AUTS2: variants seen among roughly 807,000 people sequenced by gnomAD.
AUTS2 encodes activator of transcription and developmental regulator AUTS2, also known as autism susceptibility gene 2 protein.
AUTS2 carries 17 observed loss-of-function variants against 112.4 expected under a neutral mutation model. That is an observed-to-expected ratio of 0.15 (90% CI 0.10 to 0.23). The LOEUF (loss-of-function observed/expected upper bound fraction) is 0.23. Ranked by LOEUF, AUTS2 falls within the 10% of genes least tolerant of loss-of-function variation. The pLI is 1.00. For missense variants in AUTS2, 1,510 were observed against 1,701.6 expected (o/e 0.89, Z 1.98); for synonymous variants, 751 against 702.7 (o/e 1.07, Z -1.09).
intron 1 of AUTS2, among the ~76,000 whole-genome samples, chr7:69,614,368 T>TTTTCTTTCTTTTCTTTCTTTCTTTCTTTC (rs1793239736): frequency 2.9e-3 from 56 of 19,490 alleles, no homozygotes; most frequent in African/African-American, 3.4e-3. Context: ...TTCTTTCTTT[T>TTTTCTTTCTTTTCTTTCTTTCTTTCTTTC]TTTAAGAGAT....
At chr7:70,057,065 A>G (rs1415934448) in intron 2 of AUTS2, among the ~76,000 whole-genome samples, 2 of 152,122 alleles carry the variant, frequency 1.3e-5, no homozygotes, top group African/African-American at 4.8e-5. Context: ...TTTTCCAGCC[A>G]GGTCTCAGGG....
chr7:70,626,758 A>G (rs891288720), intron 5 of AUTS2, among the ~76,000 whole-genome samples: 1 of 152,146 alleles, frequency 6.6e-6, no homozygotes, highest in African/African-American at 2.4e-5. Context: ...AAATGACAGC[A>G]TTCAGTATTT....
chr7:70,558,151 A>G (rs1323567971), intron 5 of AUTS2, among the ~76,000 whole-genome samples: 6 of 152,064 alleles, frequency 3.9e-5, no homozygotes, highest in African/African-American at 1.2e-4. Context: ...GACAGCACCT[A>G]CTGTGCACAG....
At chr7:70,003,193 G>T (rs1247213550) in intron 2 of AUTS2, among the ~76,000 whole-genome samples, 3 of 128,112 alleles carry the variant, frequency 2.3e-5, no homozygotes, top group Non-Finnish European at 3.1e-5. Flanking sequence ...TATTATATAT[G>T]AATATATTAT....
At position 69,725,101 on chromosome 7, in the gene AUTS2, C is replaced by T. The variant is rs1437198479; in HGVS notation, c.309+125139C>T. ...TGCAGACTTAAAACATATGAATACA[C>T]TCACATATAGTCACCCCATCCTCTG... is the stretch of plus-strand genomic sequence containing the variant. On this transcript the variant is annotated intron_variant, in intron 1 of 18. Transcript: ENST00000342771. Among the ~76,000 whole-genome samples the T allele has an allele frequency of 9.2e-5, 14 of 152,284 alleles. No individual in the cohort carries two copies. In the East Asian group the frequency reaches 2.7e-3, roughly 29 times the overall value.
At position 70,470,868 on chromosome 7, in the gene AUTS2, A is replaced by G. The variant is rs117772219; in HGVS notation, c.690+35087A>G. On this transcript the variant is annotated intron_variant, in intron 5 of 18. Coordinates refer to ENST00000342771, the MANE Select transcript of AUTS2 (RefSeq NM_015570.4). ...CATTGTCTAGTAGTCTGTGTCAGCAATAAAAGCCATGGGGATCTGACCCGC... is the reference window on the plus strand; with the variant it reads ...CATTGTCTAGTAGTCTGTGTCAGCAGTAAAAGCCATGGGGATCTGACCCGC... Among the ~76,000 whole-genome samples, 211 of 152,284 alleles carry G rather than the reference A, an allele frequency of 1.4e-3. 2 individuals carry two copies. In the East Asian group the frequency reaches 0.034, roughly 24 times the overall value.
At chr7:70,581,659 C>T (rs1802454377) in intron 5 of AUTS2, among the ~76,000 whole-genome samples, 1 of 152,174 alleles carries the variant, frequency 6.6e-6, no homozygotes, top group Non-Finnish European at 1.5e-5. Flanking sequence ...CCCACCTGAC[C>T]CCTTCTCCCT....
intron 4 of AUTS2, among the ~76,000 whole-genome samples, chr7:70,427,103 G>A (rs1795469938): frequency 6.6e-6 from 1 of 152,184 alleles, no homozygotes; most frequent in Admixed American, 6.5e-5. Flanking sequence ...AGGCAAAGAT[G>A]TCTTCCTGAT....
In AUTS2 at chr7:70,766,860, A is replaced by G. The variant is rs1488133441; in HGVS notation, c.1689+526A>G. Among the ~76,000 whole-genome samples the G allele has an allele frequency of 6.6e-6, 1 of 152,206 alleles. No homozygotes were observed. Among genetic ancestry groups the G allele is most frequent in the African/African-American group, 2.4e-5 (1 of 41,440 alleles). On this transcript the variant is annotated intron_variant, in intron 9 of 18. Coordinates refer to ENST00000342771, the MANE Select transcript of AUTS2 (RefSeq NM_015570.4). This position sits in a 1 kb window ranked among gnomAD's most constrained non-coding sequence, Gnocchi z 4.8. The stretch of plus-strand genomic sequence containing the variant: ...GGAGGTGTTATATTTCTTGTGTTTC[A>G]TAAGACAGTCCCTAATCTGGTATTG...
At chr7:69,830,394 C>T (rs551666765) in intron 1 of AUTS2, among the ~76,000 whole-genome samples, 1 of 152,254 alleles carries the variant, frequency 6.6e-6, no homozygotes, top group East Asian at 1.9e-4. Context: ...TATCCTGGAA[C>T]TTTAAGTTAA....
At chr7:69,742,743 T>C (rs1338695361) in intron 1 of AUTS2, among the ~76,000 whole-genome samples, 1 of 152,208 alleles carries the variant, frequency 6.6e-6, no homozygotes, top group Non-Finnish European at 1.5e-5. Context: ...TAATACTTCC[T>C]ATTTCTCTGA....
chr7:69,653,436 T>C (rs1288066644), intron 1 of AUTS2, among the ~76,000 whole-genome samples: 2 of 152,196 alleles, frequency 1.3e-5, no homozygotes, highest in East Asian at 3.9e-4. Flanking sequence ...AGCACTCCTG[T>C]ATCAAGTGTA....
intron 2 of AUTS2, among the ~76,000 whole-genome samples, chr7:69,948,236 A>G (rs778968172): frequency 6.6e-5 from 10 of 152,170 alleles, no homozygotes; most frequent in African/African-American, 9.6e-5. Context: ...GCAGGCCTCC[A>G]CCAGAATAAT....
chr7:70,152,096 T>A (rs903515304), intron 4 of AUTS2, among the ~76,000 whole-genome samples: 1 of 152,154 alleles, frequency 6.6e-6, no homozygotes, highest in Non-Finnish European at 1.5e-5. Context: ...GAGAAAAGAT[T>A]AGTTAACTTG....
chr7:70,070,477 G>T (rs1292124303), intron 2 of AUTS2, among the ~76,000 whole-genome samples: 2 of 152,022 alleles, frequency 1.3e-5, no homozygotes, highest in African/African-American at 2.4e-5. Flanking sequence ...TGCTCTGGAG[G>T]CTGAGGCAGG....
intron 4 of AUTS2, among the ~76,000 whole-genome samples, chr7:70,273,091 C>T (rs1346411664): frequency 2.0e-5 from 3 of 152,142 alleles, no homozygotes; most frequent in Non-Finnish European, 4.4e-5. Context: ...CTCTGTCTCC[C>T]AGTCTGGAGT....
chr7:70,746,273 G>A (rs1788447978), intron 6 of AUTS2, among the ~76,000 whole-genome samples: 3 of 152,102 alleles, frequency 2.0e-5, no homozygotes, highest in Admixed American at 6.5e-5. Flanking sequence ...AGCCTCCTGA[G>A]TAGCTGGGAT....
chr7:70,658,565 T>G (rs567042182), intron 5 of AUTS2, among the ~76,000 whole-genome samples: 46 of 152,320 alleles, frequency 3.0e-4, no homozygotes, highest in Non-Finnish European at 4.9e-4. Flanking sequence ...GGGGCTTCTT[T>G]TTATCTTCCC....
intron 2 of AUTS2, among the ~76,000 whole-genome samples, chr7:69,911,562 C>T (rs1795360182): frequency 6.6e-6 from 1 of 152,130 alleles, no homozygotes; most frequent in Non-Finnish European, 1.5e-5. Context: ...CAGAGAGGAG[C>T]TTTATTTGAT....
Sources: allele counts gnomAD v4.1 joint callset (sites outside exome capture counted in the v4.1 genomes callset), GRCh38; gene constraint gnomAD v4.1.1; non-coding constraint Gnocchi (gnomAD v3.1); transcripts MANE v1.5; gene names NCBI Gene and HGNC (gene_info 2026-07-23, HGNC 2026-07-21).